NKAP: variants seen among roughly 807,000 people sequenced by gnomAD.
NKAP encodes NF-kappa-B-activating protein.
Under a neutral mutation model 35.6 loss-of-function variants are expected in NKAP, and 4 were observed. The observed-to-expected ratio is 0.11, with a 90% CI of 0.06 to 0.26. The LOEUF (loss-of-function observed/expected upper bound fraction) is 0.26. Among genes scored for constraint, NKAP ranks in the 10% least tolerant of loss-of-function variants. The pLI, the probability that NKAP is intolerant of heterozygous loss-of-function variation, is 1.00. For missense variants in NKAP, 238 were observed against 321.9 expected (o/e 0.74, Z 1.99); for synonymous variants, 106 against 119.2 (o/e 0.89, Z 0.72).
At position 119,934,454 on chromosome X, in the gene NKAP, A is replaced by AAG. The variant is rs769541322; in HGVS notation, c.737+38_737+39dup. On this transcript the variant is annotated intron_variant, in intron 5 of 8. Transcript: ENST00000371410. The stretch of plus-strand genomic sequence containing the variant: ...TCAAAAAAAAAAAAAAAAAAAAAAA[A>AAG]AGAAAAGAAATTTTCCATAATAAAA... 95 of 800,281 alleles carry AAG rather than the reference A, an allele frequency of 1.2e-4. No individual in the cohort carries two copies. In the African/African-American group the frequency reaches 2.0e-3, roughly 17 times the overall value. The allele number at this position is 800,281 out of a possible 1,213,427, so 66.0% of individuals were successfully genotyped here. A position where few individuals can be genotyped will look rare whatever the true frequency, so the allele number is the denominator to read the frequency against.
chrX:119,929,070 T>A (rs767905548), intron 8 of NKAP, among the ~76,000 whole-genome samples: 2 of 110,427 alleles, frequency 1.8e-5, no homozygotes, highest in South Asian at 7.7e-4. Flanking sequence ...CTAATTTTTG[T>A]GTTTTTAGTA....
At position 119,924,865 on chromosome X, in the gene NKAP, C is replaced by T. The variant is rs2056702891; in HGVS notation, c.*355G>A. On this transcript the variant is annotated 3_prime_UTR_variant, in exon 9 of 9. Transcript: ENST00000371410. ...CCACTCCTGGCTGATTTTGTATTTT[C>T]AGTAGGGACAGGGTTTCACCATGTT... 6.6e-6 allele frequency: 1 copy of T among 152,138 alleles called. No homozygotes were observed. The highest frequency in any genetic ancestry group is 1.2e-5 in the Non-Finnish European group (1 of 85,017). 12.5% of individuals were successfully genotyped at this position (152,138 alleles called of 1,213,427 possible).
In NKAP at chrX:119,936,331, G is replaced by A. The variant is rs771673500; in HGVS notation, c.639C>T (p.Ser213=). 5.2e-5 allele frequency: 63 copies of A among 1,200,800 alleles called. No individual in the cohort carries two copies. The highest frequency in any genetic ancestry group is 6.8e-5 in the Non-Finnish European group (61 of 891,019). ...CTGTTTCAGAATCAGAGTCACTGTC[G>A]CTATCTTCAGAATACTTCTTATGTT... ...KRKHKKYSED[S]DSDSDSETDS... Residue 213 remains serine, a synonymous_variant, in exon 4 of 9, where the codon AGC becomes AGT. Coordinates refer to ENST00000371410, the MANE Select transcript of NKAP (RefSeq NM_024528.4).
At position 119,924,822 on chromosome X, in the gene NKAP, G is replaced by C; in HGVS notation, c.*398C>G. On this transcript the variant is annotated 3_prime_UTR_variant, in exon 9 of 9. Coordinates refer to ENST00000371410, the MANE Select transcript of NKAP (RefSeq NM_024528.4). ...CTGCCTCTTCCTCTCGAGTAGCTGGGACTACAGGTGTGCGCCACCACTCCT... is the reference window on the plus strand; with the variant it reads ...CTGCCTCTTCCTCTCGAGTAGCTGGCACTACAGGTGTGCGCCACCACTCCT... 1 of 140,701 alleles carries C rather than the reference G, an allele frequency of 7.1e-6. No individual in the cohort carries two copies. Among genetic ancestry groups the C allele is most frequent in the Non-Finnish European group, 1.3e-5 (1 of 74,472 alleles). The allele number at this position is 140,701 out of a possible 1,213,427, so 11.6% of individuals were successfully genotyped here. A position where few individuals can be genotyped will look rare whatever the true frequency, so the allele number is the denominator to read the frequency against.
intron 7 of NKAP, among the ~76,000 whole-genome samples, chrX:119,930,766 C>T (rs754423904): frequency 3.9e-4 from 43 of 109,299 alleles, no homozygotes; most frequent in African/African-American, 1.3e-3. Flanking sequence ...TGCAGTGAGC[C>T]GAGATCGTGT....
chrX:119,943,206 G>T lies in NKAP; in HGVS notation c.386+14C>A. The stretch of plus-strand genomic sequence containing the variant: ...GTAGGCTCGTACAAGAGAAAGTGCG[G>T]CCGTCTCACTCACTTCTGCCGCAGG... On this transcript the variant is annotated intron_variant, in intron 1 of 8. Transcript: ENST00000371410. 1 of 1,162,374 alleles carries T rather than the reference G, an allele frequency of 8.6e-7. No homozygotes were observed. Among genetic ancestry groups the T allele is most frequent in the Non-Finnish European group, 1.1e-6 (1 of 870,710 alleles).
intron 5 of NKAP, among the ~76,000 whole-genome samples, chrX:119,933,940 C>CA (rs929404580): frequency 2.8e-5 from 3 of 108,793 alleles, no homozygotes; most frequent in African/African-American, 6.7e-5. Flanking sequence ...GACTTCATCT[C>CA]AAAAAAAACA....
rs745973731 is a variant in NKAP, at chrX:119,943,615, G to A, written c.-10C>T. 5.2e-6 allele frequency: 6 copies of A among 1,160,721 alleles called. No individual in the cohort carries two copies. In the African/African-American group the frequency reaches 5.4e-5, roughly 10 times the overall value. On this transcript the variant is annotated 5_prime_UTR_variant, in exon 1 of 9. Coordinates refer to ENST00000371410, the MANE Select transcript of NKAP (RefSeq NM_024528.4). ...CGGACACCGGAGCCATGGCTACTGGGGGGCCCCAGCAGCCGTGGGACAAGG... is the reference window on the plus strand; with the variant it reads ...CGGACACCGGAGCCATGGCTACTGGAGGGCCCCAGCAGCCGTGGGACAAGG...
At position 119,943,342 on chromosome X, in the gene NKAP, C is replaced by T. The variant is rs1242705429; in HGVS notation, c.264G>A (p.Arg88=). 1 of 1,212,062 alleles carries T rather than the reference C, an allele frequency of 8.3e-7. No individual in the cohort carries two copies. Among genetic ancestry groups the T allele is most frequent in the Admixed American group, 2.2e-5 (1 of 46,141 alleles). ...SRSRERPSAP[R]GIPFASASSS... is the part of the protein sequence containing the mutation. ...AGGAGGCAGAAGCGAAGGGGATGCC[C>T]CGGGGCGCAGAGGGCCGCTCTCTAG... Residue 88 remains arginine, a synonymous_variant, in exon 1 of 9, where the codon CGG becomes CGA. Coordinates refer to ENST00000371410, the MANE Select transcript of NKAP (RefSeq NM_024528.4).
intron 7 of NKAP, among the ~76,000 whole-genome samples, chrX:119,931,533 AAAAAAAG>A (rs2056741396): frequency 8.9e-6 from 1 of 111,835 alleles, no homozygotes; most frequent in Middle Eastern, 4.2e-3. Flanking sequence ...TTCTGCTGGT[AAAAAAAG>A]AAAAAAGAGA....
At chrX:119,936,489 G>T (rs2056767142) in intron 3 of NKAP, 58 bp from the exon 4 acceptor site, 1 of 1,005,522 alleles carries the variant, frequency 9.9e-7, no homozygotes, top group East Asian at 3.3e-5. Flanking sequence ...AACATCAAAA[G>T]AAACAGACGA....
intron 1 of NKAP, among the ~76,000 whole-genome samples, chrX:119,940,370 A>C (rs1230808255): frequency 9.2e-6 from 1 of 108,885 alleles, no homozygotes; most frequent in Non-Finnish European, 1.9e-5. Flanking sequence ...AAAAAAAAAA[A>C]AAACTATACT....
intron 4 of NKAP, among the ~76,000 whole-genome samples, 173 bp downstream of exon 4, chrX:119,936,124 T>C (rs1241371019): frequency 1.8e-5 from 2 of 112,327 alleles, no homozygotes; most frequent in African/African-American, 6.5e-5. Context: ...TTGTATGGAT[T>C]AAATGGCAAT....
In NKAP at chrX:119,926,613, C is replaced by T. The variant is rs909012489; in HGVS notation, c.1074-1219G>A. Among the ~76,000 whole-genome samples, 4 of 111,246 alleles carry T rather than the reference C, an allele frequency of 3.6e-5. No homozygotes were observed. In the East Asian group the frequency reaches 1.1e-3, roughly 31 times the overall value. The stretch of plus-strand genomic sequence containing the variant: ...TAAGGGTATACGTCTAATTTGTTTC[C>T]AGTAAAACAATCAGAAATGGGCAAA... On this transcript the variant is annotated intron_variant, in intron 8 of 8. Transcript: ENST00000371410.
In NKAP at chrX:119,932,547, A is replaced by G. The variant is rs1006673401; in HGVS notation, c.738-331T>C. 7 of 140,628 alleles carry G rather than the reference A, an allele frequency of 5.0e-5. No individual in the cohort carries two copies. In the East Asian group the frequency reaches 9.9e-4, roughly 20 times the overall value. The allele number at this position is 140,628 out of a possible 1,213,427, so 11.6% of individuals were successfully genotyped here. On this transcript the variant is annotated intron_variant, in intron 5 of 8. Coordinates refer to ENST00000371410, the MANE Select transcript of NKAP (RefSeq NM_024528.4). The stretch of plus-strand genomic sequence containing the variant: ...GGCGGGAGGATCACTTGAGCCCAGG[A>G]GTTCGAGGCTGCAATGAGCTATGAT...
Position 119,922,203 on chromosome X carries a change from G to A in NKAP, c.*3017C>T, listed in dbSNP as rs894832727. Reference sequence around the variant, plus strand: ...GGTTTTATTATTCAGGGAAGTAGATGGATTGAGACTCAAAACTTTGGGAAC... The same window carrying A: ...GGTTTTATTATTCAGGGAAGTAGATAGATTGAGACTCAAAACTTTGGGAAC... On this transcript the variant is annotated 3_prime_UTR_variant, in exon 9 of 9. Coordinates refer to ENST00000371410, the MANE Select transcript of NKAP (RefSeq NM_024528.4). 6 of 111,439 alleles carry A rather than the reference G, an allele frequency of 5.4e-5. No homozygotes were observed. The highest frequency in any genetic ancestry group is 1.1e-4 in the Non-Finnish European group (6 of 53,079). 9.2% of individuals were successfully genotyped at this position (111,439 alleles called of 1,213,427 possible). A position where few individuals can be genotyped will look rare whatever the true frequency, so the allele number is the denominator to read the frequency against.
chrX:119,925,444 G>T, intron 8 of NKAP, 50 bp from the exon 9 acceptor site: 1 of 1,128,659 alleles, frequency 8.9e-7, no homozygotes, highest in South Asian at 2.1e-5. Context: ...TATTTTCATA[G>T]TACATCATCA....
chrX:119,937,901 C>T (rs900447507), intron 2 of NKAP: 16 of 111,309 alleles, frequency 1.4e-4, no homozygotes, highest in African/African-American at 5.2e-4. Context: ...TCACAAATTA[C>T]AGGTTTACCT....
chrX:119,933,699 T>C (rs1315659238), intron 5 of NKAP, among the ~76,000 whole-genome samples: 1 of 110,968 alleles, frequency 9.0e-6, no homozygotes, highest in Non-Finnish European at 1.9e-5. Flanking sequence ...TTTTTTTAAA[T>C]ATAGAGACAG....
Sources: allele counts gnomAD v4.1 joint callset (sites outside exome capture counted in the v4.1 genomes callset), GRCh38; gene constraint gnomAD v4.1.1; transcripts MANE v1.5; gene names NCBI Gene and HGNC (gene_info 2026-07-23, HGNC 2026-07-21).